NEK10: variants seen among roughly 807,000 people sequenced by gnomAD.
NEK10 encodes the protein NIMA related kinase 10, also known as serine/threonine-protein kinase Nek10.
Under a neutral mutation model 159.8 loss-of-function variants are expected in NEK10, and 122 were observed. That is an observed-to-expected ratio of 0.76 (90% CI 0.66 to 0.89). The LOEUF (loss-of-function observed/expected upper bound fraction) is 0.89. Among genes scored for constraint, NEK10 ranks in the 40% least tolerant of loss-of-function variants. The pLI, the probability that NEK10 is intolerant of heterozygous loss-of-function variation, is 0.00. For synonymous variants in NEK10, 466 were observed against 457.1 expected, an observed-to-expected ratio of 1.02 and a Z score of -0.25; for missense variants, 1,342 against 1,323.1, an observed-to-expected ratio of 1.01 and a Z score of -0.22.
At chr3:27,310,328 A>T (rs2044591302) in intron 9 of NEK10, 1 of 152,212 alleles carries the variant, frequency 6.6e-6, no homozygotes, top group Non-Finnish European at 1.5e-5. Context: ...TGGCTACTGA[A>T]ACAAAAAATG....
rs1201313229 is a variant in NEK10 at position 27,342,913 on chromosome 3, A to G, written c.362+1359T>C. Among the ~76,000 whole-genome samples the G allele has an allele frequency of 2.6e-5, 4 of 152,214 alleles. No individual in the cohort carries two copies. The East Asian group carries it at 7.7e-4, about 29-fold the overall frequency. ...TTCAATCTAAGCAGAAAACAGTTGA[A>G]ATATATATGTAACTTCAGGTTCTTT... On this transcript the variant is annotated intron_variant, in intron 5 of 35. Transcript: ENST00000691995.
At chr3:27,356,812 C>T (rs1043049660) in intron 1 of NEK10, among the ~76,000 whole-genome samples, 26 of 152,256 alleles carry the variant, frequency 1.7e-4, no homozygotes, top group African/African-American at 5.3e-4. Context: ...TCATCAACAT[C>T]GGAAATCCTC....
At position 27,109,531 on chromosome 3, in the gene NEK10, T is replaced by A. The variant is rs1939315240; in HGVS notation, c.*1741A>T. On this transcript the variant is annotated 3_prime_UTR_variant, in exon 36 of 36. Transcript: ENST00000691995. ...TTTTGAATACTATTCTTTCCTAAATTCTGTTTACTATATACTACCATTTGG... is the reference window on the plus strand; with the variant it reads ...TTTTGAATACTATTCTTTCCTAAATACTGTTTACTATATACTACCATTTGG... Among the ~76,000 whole-genome samples the A allele has an allele frequency of 1.3e-5, 2 of 152,154 alleles. No individual in the cohort carries two copies. The highest frequency in any genetic ancestry group is 1.5e-5 in the Non-Finnish European group (1 of 68,028).
chr3:27,351,722 CA>C (rs2047984459), intron 3 of NEK10, among the ~76,000 whole-genome samples: 1 of 152,022 alleles, frequency 6.6e-6, no homozygotes, highest in South Asian at 2.1e-4. Flanking sequence ...TTTACTTAAG[CA>C]AGAACAATGT....
intron 23 of NEK10, among the ~76,000 whole-genome samples, chr3:27,224,051 G>A (rs937762796): frequency 6.6e-6 from 1 of 152,120 alleles, no homozygotes; most frequent in Non-Finnish European, 1.5e-5. Flanking sequence ...TTAAGATGAG[G>A]TCATACTGCA....
chr3:27,365,749 A>T (rs1225944347), intron 1 of NEK10, among the ~76,000 whole-genome samples: 1 of 150,680 alleles, frequency 6.6e-6, no homozygotes, highest in Non-Finnish European at 1.5e-5. Flanking sequence ...AGTAGCTGGG[A>T]TTACCAGCAC....
At chr3:27,315,259 A>C (rs2045063649) in intron 6 of NEK10, among the ~76,000 whole-genome samples, 1 of 152,154 alleles carries the variant, frequency 6.6e-6, no homozygotes, top group African/African-American at 2.4e-5. Context: ...GGACGAGTAC[A>C]TGAGCGTGGG....
At chr3:27,202,407 C>CT in intron 24 of NEK10, 21 bp downstream of exon 24, 1 of 1,592,386 alleles carries the variant, frequency 6.3e-7, no homozygotes, top group African/African-American at 1.3e-5. Flanking sequence ...CGAGACCCTT[C>CT]TGTCTCCCAG....
chr3:27,257,781 C>T (rs868225339), intron 22 of NEK10, among the ~76,000 whole-genome samples: 133 of 127,730 alleles, frequency 1.0e-3, no homozygotes, highest in African/African-American at 4.1e-3. Context: ...CAATAGCTTT[C>T]TTTTTTCTTT....
At chr3:27,208,472 T>C (rs1353161057) in intron 23 of NEK10, among the ~76,000 whole-genome samples, 2 of 152,120 alleles carry the variant, frequency 1.3e-5, no homozygotes, top group Non-Finnish European at 2.9e-5. Flanking sequence ...TTCTCCACTA[T>C]GGAGGAGTAA....
chr3:27,329,317 G>A (rs1017900871), intron 5 of NEK10, among the ~76,000 whole-genome samples: 8 of 152,176 alleles, frequency 5.3e-5, no homozygotes, highest in Non-Finnish European at 1.0e-4. Flanking sequence ...CTTTATTAGC[G>A]ACGTGAAAAC....
chr3:27,330,158 G>A (rs1302202536), intron 5 of NEK10, among the ~76,000 whole-genome samples: 2 of 152,132 alleles, frequency 1.3e-5, no homozygotes, highest in Non-Finnish European at 1.5e-5. Context: ...CTGTGTGTGT[G>A]TGTACATGTG....
chr3:27,363,515 T>C (rs2048833230), intron 1 of NEK10, among the ~76,000 whole-genome samples: 1 of 152,150 alleles, frequency 6.6e-6, no homozygotes, highest in Non-Finnish European at 1.5e-5. Context: ...TGGAATATCA[T>C]GATGTAGATA....
intron 23 of NEK10, among the ~76,000 whole-genome samples, chr3:27,221,714 G>A (rs960146628): frequency 1.3e-5 from 2 of 152,200 alleles, no homozygotes; most frequent in African/African-American, 4.8e-5. Context: ...TACACAGCTA[G>A]TATGTTACAG....
At chr3:27,335,250 G>A (rs1256917202) in intron 5 of NEK10, among the ~76,000 whole-genome samples, 1 of 151,514 alleles carries the variant, frequency 6.6e-6, no homozygotes, top group African/African-American at 2.4e-5. Context: ...TGAAGCAGGA[G>A]ATTCGCTTGA....
At chr3:27,252,941 A>AC in intron 23 of NEK10, 1 of 505,206 alleles carries the variant, frequency 2.0e-6, no homozygotes, top group Non-Finnish European at 4.0e-6. Flanking sequence ...GTTTTAAGCC[A>AC]CTTAAAATTC....
At chr3:27,139,674 G>A (rs1350789132) in intron 31 of NEK10, among the ~76,000 whole-genome samples, 2 of 152,150 alleles carry the variant, frequency 1.3e-5, no homozygotes, top group Non-Finnish European at 2.9e-5. Context: ...AGTTTAACTG[G>A]TTGTTTGAGT....
intron 22 of NEK10, among the ~76,000 whole-genome samples, chr3:27,257,217 C>A (rs1310418978): frequency 6.6e-6 from 1 of 152,084 alleles, no homozygotes; most frequent in African/African-American, 2.4e-5. Context: ...CCCAGCCTGT[C>A]TTTTATAAAC....
chr3:27,268,199 C>T (rs1575526314), intron 22 of NEK10, among the ~76,000 whole-genome samples: 2 of 152,300 alleles, frequency 1.3e-5, no homozygotes, highest in Non-Finnish European at 2.9e-5. Context: ...ATTTCCATAA[C>T]ATAAAAGTGC....
Sources: gnomAD v4.1 joint callset for allele counts (sites outside exome capture counted in the v4.1 genomes callset) on GRCh38, gnomAD v4.1.1 for gene constraint, MANE v1.5 for transcripts, NCBI Gene and HGNC (gene_info 2026-07-23, HGNC 2026-07-21) for gene names.